SGMS1: variants seen among roughly 807,000 people sequenced by gnomAD.
The protein encoded by SGMS1 is sphingomyelin synthase 1.
Under a neutral mutation model 46.2 loss-of-function variants are expected in SGMS1, and 13 were observed. That is an observed-to-expected ratio of 0.28 (90% CI 0.18 to 0.45). SGMS1 has a LOEUF of 0.45. Ranked by LOEUF, SGMS1 falls within the 20% of genes least tolerant of loss-of-function variation. SGMS1 has a pLI of 1.00. For synonymous variants in SGMS1, 203 were observed against 187.8 expected, an observed-to-expected ratio of 1.08 and a Z score of -0.66; for missense variants, 324 against 519.9, an observed-to-expected ratio of 0.62 and a Z score of 3.66.
At chr10:50,496,837 G>T (rs1303226740) in intron 3 of SGMS1, among the ~76,000 whole-genome samples, 1 of 152,172 alleles carries the variant, frequency 6.6e-6, no homozygotes, top group Non-Finnish European at 1.5e-5. Flanking sequence ...TGCCAGTAAT[G>T]TCACCCATCT....
At chr10:50,526,162 C>A (rs1056939764) in intron 2 of SGMS1, among the ~76,000 whole-genome samples, 12 of 152,144 alleles carry the variant, frequency 7.9e-5, no homozygotes, top group African/African-American at 2.9e-4. Context: ...AGAGGTTTAA[C>A]TGACTCACAG....
chr10:50,596,353 T>A (rs1838592914), intron 1 of SGMS1, among the ~76,000 whole-genome samples: 1 of 152,228 alleles, frequency 6.6e-6, no homozygotes, highest in Admixed American at 6.5e-5. Flanking sequence ...ATTTTTTGTA[T>A]TTTCAGTAGA....
At chr10:50,364,877 C>T (rs560053031) in intron 6 of SGMS1, among the ~76,000 whole-genome samples, 17 of 152,158 alleles carry the variant, frequency 1.1e-4, no homozygotes, top group African/African-American at 3.4e-4. Context: ...TATGTGCTGA[C>T]GATTTTTACT....
At chr10:50,354,269 C>A (rs71564639) in intron 6 of SGMS1, among the ~76,000 whole-genome samples, 1 of 152,052 alleles carries the variant, frequency 6.6e-6, no homozygotes, top group Non-Finnish European at 1.5e-5. Flanking sequence ...CAGAACACAG[C>A]CCTCAGAAAT....
chr10:50,403,475 C>T (rs1848969335), intron 6 of SGMS1, among the ~76,000 whole-genome samples: 1 of 152,078 alleles, frequency 6.6e-6, no homozygotes, highest in South Asian at 2.1e-4. Flanking sequence ...AATCTTCATT[C>T]GAGTTCTCTA....
chr10:50,373,671 G>T (rs925793766), intron 6 of SGMS1, among the ~76,000 whole-genome samples: 1 of 152,116 alleles, frequency 6.6e-6, no homozygotes, highest in Non-Finnish European at 1.5e-5. Flanking sequence ...CAGTCATAAA[G>T]ATAAAAACTG....
chr10:50,624,178 TC>T, upstream of SGMS1: 1 of 969,146 alleles, frequency 1.0e-6, no homozygotes, highest in Non-Finnish European at 1.2e-6. Context: ...GCGGGCGCTT[TC>T]CCCAGCGTTT....
At chr10:50,347,088 G>A (rs561451292) in intron 6 of SGMS1, among the ~76,000 whole-genome samples, 1 of 152,192 alleles carries the variant, frequency 6.6e-6, no homozygotes, top group Non-Finnish European at 1.5e-5. Context: ...TCCCTCTTCT[G>A]AGCATCCATA....
At chr10:50,388,285 C>T (rs1219679549) in intron 6 of SGMS1, among the ~76,000 whole-genome samples, 3 of 151,850 alleles carry the variant, frequency 2.0e-5, no homozygotes, top group African/African-American at 7.3e-5. Flanking sequence ...TTGTTATGTA[C>T]TCAAAATGTT....
intron 6 of SGMS1, among the ~76,000 whole-genome samples, chr10:50,432,372 A>G (rs182484593): frequency 1.4e-4 from 21 of 152,324 alleles, no homozygotes; most frequent in African/African-American, 4.6e-4. Context: ...TAACTACTGT[A>G]TCTGGTTGGT....
chr10:50,475,836 T>C (rs968244186), intron 3 of SGMS1, among the ~76,000 whole-genome samples: 2 of 152,088 alleles, frequency 1.3e-5, no homozygotes. Context: ...TAAATTTCCT[T>C]AGGCCTCCCC....
intron 6 of SGMS1, among the ~76,000 whole-genome samples, chr10:50,411,520 AT>A (rs112185105): frequency 0.19 from 28,750 of 152,186 alleles, 2,926 homozygotes; most frequent in Admixed American, 0.23. Context: ...GCTTTCAAAC[AT>A]TTTCAGCAAC....
At chr10:50,366,544 A>T (rs1023057678) in intron 6 of SGMS1, among the ~76,000 whole-genome samples, 1 of 152,208 alleles carries the variant, frequency 6.6e-6, no homozygotes, top group Non-Finnish European at 1.5e-5. Flanking sequence ...AAGACTTGGA[A>T]CCAACCCAAA....
Position 50,344,120 on chromosome 10 carries a change from T to C in SGMS1, c.-6A>G, listed in dbSNP as rs752747406. On this transcript the variant is annotated 5_prime_UTR_variant, in exon 7 of 11. Coordinates refer to ENST00000361781, the MANE Select transcript of SGMS1 (RefSeq NM_147156.4). ...CAATAAACCACTTCCTTCATTGTAC[T>C]GGCAGACAGCAGGCAGTCCCCAGCT... The C allele has an allele frequency of 8.1e-6, 13 of 1,595,128 alleles. No individual in the cohort carries two copies. The South Asian group carries it at 1.2e-4, about 15-fold the overall frequency.
intron 6 of SGMS1, among the ~76,000 whole-genome samples, chr10:50,373,792 T>C (rs1848480481): frequency 6.6e-6 from 1 of 152,218 alleles, no homozygotes; most frequent in Non-Finnish European, 1.5e-5. Flanking sequence ...CAATGGCTTC[T>C]AAAATTATTT....
chr10:50,505,269 C>G (rs992478653), intron 3 of SGMS1, among the ~76,000 whole-genome samples: 1 of 152,092 alleles, frequency 6.6e-6, no homozygotes, highest in East Asian at 1.9e-4. Flanking sequence ...CCCATAGAAA[C>G]AATCAGAGGA....
intron 7 of SGMS1, among the ~76,000 whole-genome samples, chr10:50,336,981 T>C (rs1000343760): frequency 3.9e-5 from 6 of 152,168 alleles, no homozygotes; most frequent in African/African-American, 1.2e-4. Context: ...AAGCACATAA[T>C]TGATGCAGCT....
intron 2 of SGMS1, among the ~76,000 whole-genome samples, chr10:50,522,638 G>T (rs752614999): frequency 1.1e-4 from 17 of 152,170 alleles, no homozygotes; most frequent in Middle Eastern, 3.4e-3. Flanking sequence ...TTTACACTTG[G>T]TTAAGATGAG....
At chr10:50,578,623 T>C (rs1244863560) in intron 2 of SGMS1, among the ~76,000 whole-genome samples, 3 of 152,146 alleles carry the variant, frequency 2.0e-5, no homozygotes, top group Non-Finnish European at 4.4e-5. Context: ...TAAAAAATAA[T>C]AGAACACCAA....
Sources: allele counts gnomAD v4.1 joint callset (sites outside exome capture counted in the v4.1 genomes callset), GRCh38; gene constraint gnomAD v4.1.1; transcripts MANE v1.5; gene names NCBI Gene and HGNC (gene_info 2026-07-23, HGNC 2026-07-21).